Variants in PKD1L1 observed in about 807,000 individuals in gnomAD.
PKD1L1 encodes polycystin 1 like 1, transient receptor potential channel interacting, also known as polycystin-1-like protein 1.
Under a neutral mutation model 323.4 loss-of-function variants are expected in PKD1L1, and 236 were observed. The observed-to-expected ratio is 0.73, with a 90% CI of 0.66 to 0.81. The LOEUF is 0.81. Ranked by LOEUF, PKD1L1 falls within the 40% of genes least tolerant of loss-of-function variation. PKD1L1 has a pLI of 0.00. For missense variants in PKD1L1, 3,320 were observed against 3,508.0 expected, an observed-to-expected ratio of 0.95 and a Z score of 1.35; for synonymous variants, 1,344 against 1,335.0, an observed-to-expected ratio of 1.01 and a Z score of -0.15.
chr7:47,813,982 T>G lies in PKD1L1; in HGVS notation c.7122A>C (p.Ile2374=), dbSNP rs1339546515. Residue 2374 remains isoleucine, a synonymous_variant, in exon 48 of 57, where the codon ATA becomes ATC. Transcript: ENST00000289672. ...TTAGCTGCCTAATTACGGAACTGCC[T>G]ATTAGGTAGCATTTTCCTCCAAGAG... ...PGALGGKCYL[I]GSSVIRQLKV... 4 of 1,614,114 alleles carry G rather than the reference T, an allele frequency of 2.5e-6. No individual in the cohort carries two copies. The Admixed American group carries it at 5.0e-5, about 20-fold the overall frequency.
rs144292496 is a variant in PKD1L1 at position 47,815,361 on chromosome 7, G to A, written c.7062C>T (p.Thr2354=). ...GAGCCCCCGGCACACGGGCTGACGG[G>A]GTGCCTCCCGGGTACAGGCCATCCA... ...TLLDGLYPGG[T]PSARVPGAQP... is the part of the protein sequence containing the mutation. The change falls in exon 47 of 57, where the codon ACC becomes ACT. Residue 2354 remains threonine, a synonymous_variant. Coordinates refer to ENST00000289672, the MANE Select transcript of PKD1L1 (RefSeq NM_138295.5). 5.2e-4 allele frequency: 842 copies of A among 1,614,126 alleles called. 7 individuals carry two copies. In the African/African-American group the frequency reaches 1.0e-2, roughly 19 times the overall value.
At chr7:47,867,665 C>T (rs139191695) in intron 24 of PKD1L1, among the ~76,000 whole-genome samples, 2 of 152,148 alleles carry the variant, frequency 1.3e-5, no homozygotes, top group African/African-American at 4.8e-5. Flanking sequence ...CTATTATAAA[C>T]ATGATTCAAA....
chr7:47,815,363 T>C lies in PKD1L1; in HGVS notation c.7060A>G (p.Thr2354Ala), dbSNP rs562577400. ...GCCCCCGGCACACGGGCTGACGGGG[T>C]GCCTCCCGGGTACAGGCCATCCAGA... Reference protein sequence around the residue: ...TLLDGLYPGGTPSARVPGAQP... With the variant: ...TLLDGLYPGGAPSARVPGAQP... The change falls in exon 47 of 57, where the codon ACC becomes GCC. Residue 2354 changes from threonine (T) to alanine (A), a missense_variant. By Grantham distance (58) the Thr-to-Ala change is moderately conservative (BLOSUM62 0). Transcript: ENST00000289672. 335 of 1,614,078 alleles carry C rather than the reference T, an allele frequency of 2.1e-4. 2 individuals are homozygous for C. In the South Asian group the frequency reaches 3.3e-3, roughly 16 times the overall value.
intron 9 of PKD1L1, 115 bp from the exon 10 acceptor site, chr7:47,906,077 A>C: frequency 9.5e-7 from 1 of 1,057,724 alleles, no homozygotes; most frequent in Non-Finnish European, 1.3e-6. Flanking sequence ...AATCTCAATA[A>C]ATTTCAAAAT....
intron 39 of PKD1L1, 139 bp from the exon 40 acceptor site, chr7:47,834,524 C>T: frequency 1.3e-6 from 1 of 761,118 alleles, no homozygotes; most frequent in Non-Finnish European, 2.2e-6. Flanking sequence ...ATGAGTATTT[C>T]TGAGAGGATA....
Position 47,905,888 on chromosome 7 carries a change from C to T in PKD1L1, c.1477G>A (p.Asp493Asn). ...VSFISQTQVGDSQAWHSMTVW... is the reference protein window; with the variant it reads ...VSFISQTQVGNSQAWHSMTVW... ...GTCATGCTGTGCCAAGCCTGGCTGT[C>T]ACCCACTTGAGTCTGAGAAATAAAG... The change falls in exon 10 of 57, where the codon GAC becomes AAC. Residue 493 changes from aspartate (D) to asparagine (N), a missense_variant. Asp to Asn is a conservative substitution (Grantham distance 23). Coordinates refer to ENST00000289672, the MANE Select transcript of PKD1L1 (RefSeq NM_138295.5). 1 of 1,613,746 alleles carries T rather than the reference C, an allele frequency of 6.2e-7. No individual in the cohort carries two copies. The highest frequency in any genetic ancestry group is 8.5e-7 in the Non-Finnish European group (1 of 1,179,910).
At chr7:47,834,502 G>T in intron 39 of PKD1L1, 117 bp from the exon 40 acceptor site, 1 of 830,008 alleles carries the variant, frequency 1.2e-6, no homozygotes, top group Non-Finnish European at 2.0e-6. Flanking sequence ...CTTCCTTCCT[G>T]ACTCAGCCAG....
chr7:47,794,809 C>T (rs1460503313), intron 55 of PKD1L1, among the ~76,000 whole-genome samples: 1 of 152,210 alleles, frequency 6.6e-6, no homozygotes. Context: ...ATCAGCATCA[C>T]CTACATGTGA....
chr7:47,828,509 G>T (rs1258346393), intron 44 of PKD1L1, among the ~76,000 whole-genome samples: 1 of 152,066 alleles, frequency 6.6e-6, no homozygotes, highest in Non-Finnish European at 1.5e-5. Flanking sequence ...GCCAGGTTTG[G>T]GCCCCAGACT....
chr7:47,795,419 G>A lies in PKD1L1; in HGVS notation c.8355+570C>T, dbSNP rs548096210. On this transcript the variant is annotated intron_variant, in intron 55 of 56. Transcript: ENST00000289672. ...GCCTTTCACCTCCCACCATGAACCT[G>A]AGGCCTCCCAAGTCATGTGGAAATG... 28 of 452,360 alleles carry A rather than the reference G, an allele frequency of 6.2e-5. No homozygotes were observed. In the East Asian group the frequency reaches 1.8e-3, roughly 28 times the overall value. 28.0% of individuals were successfully genotyped at this position (452,360 alleles called of 1,614,324 possible).
At position 47,827,453 on chromosome 7, in the gene PKD1L1, G is replaced by A. The variant is rs1414318524; in HGVS notation, c.6751C>T (p.Gln2251Ter). The change falls in exon 45 of 57, where the codon CAA (glutamine) becomes TAA (stop). Residue 2251 changes from glutamine to a stop codon, truncating the protein, a stop_gained. Transcript: ENST00000289672. LOFTEE classifies it high-confidence loss of function. Reference sequence around the variant, plus strand: ...GCCCAGCGCAGGTGGCGAGCTTGTTGTCGGGCAGCCAAGACCTGTCAGGGA... The same window carrying A: ...GCCCAGCGCAGGTGGCGAGCTTGTTATCGGGCAGCCAAGACCTGTCAGGGA... ...GEVEKVLAAR[Q>*]QARHLRWAHP... The A allele has an allele frequency of 1.2e-6, 2 of 1,609,400 alleles. No individual in the cohort carries two copies. The highest frequency in any genetic ancestry group is 1.7e-6 in the Non-Finnish European group (2 of 1,179,036).
At chr7:47,931,455 T>C in intron 5 of PKD1L1, 134 bp from the exon 6 acceptor site, 1 of 928,152 alleles carries the variant, frequency 1.1e-6, no homozygotes, top group South Asian at 1.7e-5. Context: ...TTTGGGTGGG[T>C]GACCACAAAT....
Position 47,830,141 on chromosome 7 carries a change from T to C in PKD1L1, c.6474-17A>G. The C allele has an allele frequency of 1.2e-6, 2 of 1,611,182 alleles. No homozygotes were observed. Among genetic ancestry groups the C allele is most frequent in the Non-Finnish European group, 1.7e-6 (2 of 1,177,980 alleles). On this transcript the variant is annotated splice_polypyrimidine_tract_variant and intron_variant, in intron 42 of 56. Transcript: ENST00000289672. The stretch of plus-strand genomic sequence containing the variant: ...TGGCCAAACCTGCCCCCAGGGAAAG[T>C]GCAGTGGTCAGCCCCCTCTAAGGGA...
chr7:47,863,546 T>G (rs1786081268), intron 26 of PKD1L1, among the ~76,000 whole-genome samples: 1 of 151,990 alleles, frequency 6.6e-6, no homozygotes, highest in African/African-American at 2.4e-5. Context: ...CAAGAAATCA[T>G]GTCGTGAAGC....
chr7:47,877,878 G>C (rs1025378303), intron 21 of PKD1L1, among the ~76,000 whole-genome samples: 12 of 151,978 alleles, frequency 7.9e-5, no homozygotes, highest in Non-Finnish European at 1.5e-4. Flanking sequence ...AAGTTCTGGG[G>C]TTTGAGAACC....
chr7:47,930,930 C>G (rs970645253), intron 6 of PKD1L1, among the ~76,000 whole-genome samples, 174 bp downstream of exon 6: 1 of 152,230 alleles, frequency 6.6e-6, no homozygotes, highest in Non-Finnish European at 1.5e-5. Context: ...TCCCTGATGG[C>G]AAACAGTGGC....
chr7:47,860,051 A>G (rs1013966717), intron 26 of PKD1L1, among the ~76,000 whole-genome samples: 3 of 152,298 alleles, frequency 2.0e-5, no homozygotes, highest in South Asian at 2.1e-4. Context: ...TTTTTCTTCT[A>G]TTCTCTACTT....
Position 47,855,243 on chromosome 7 carries a change from T to C in PKD1L1, c.4613A>G (p.Asn1538Ser), listed in dbSNP as rs780562628. 9 of 1,613,302 alleles carry C rather than the reference T, an allele frequency of 5.6e-6. No homozygotes were observed. Among genetic ancestry groups the C allele is most frequent in the African/African-American group, 1.3e-5 (1 of 74,892 alleles). ...PGQIGGVVGL[N>S]LYTCSSRRPI... ...TCTTCTGCTGGAGCAGGTATAGAGG[T>C]TGAGGCCCACAACTCCACCAATCTT... Residue 1538 changes from asparagine to serine, a missense_variant, in exon 29 of 57, where the codon AAC becomes AGC. Asn to Ser is a conservative substitution (Grantham distance 46, BLOSUM62 1). Coordinates refer to ENST00000289672, the MANE Select transcript of PKD1L1 (RefSeq NM_138295.5).
chr7:47,795,397 T>G (rs949217390), intron 55 of PKD1L1: 1 of 454,990 alleles, frequency 2.2e-6, no homozygotes, highest in Admixed American at 2.4e-5. Flanking sequence ...AAGAAGTGCC[T>G]TTCACCTCCC....
Sources: gnomAD v4.1 joint callset for allele counts (sites outside exome capture counted in the v4.1 genomes callset) on GRCh38, gnomAD v4.1.1 for gene constraint, MANE v1.5 for transcripts, NCBI Gene and HGNC (gene_info 2026-07-23, HGNC 2026-07-21) for gene names.